The following TTLL6 variants were observed in gnomAD, a reference collection of about 807,000 sequenced individuals.
TTLL6 encodes tubulin tyrosine ligase like 6.
TTLL6 carries 75 observed loss-of-function variants against 96.4 expected under a neutral mutation model. The observed-to-expected ratio is 0.78, with a 90% CI of 0.65 to 0.94. The LOEUF (loss-of-function observed/expected upper bound fraction) is 0.94. Among genes scored for constraint, TTLL6 ranks in the 40% least tolerant of loss-of-function variants. The pLI, the probability that TTLL6 is intolerant of heterozygous loss-of-function variation, is 0.00. For missense variants in TTLL6, 1,030 were observed against 1,093.0 expected, an observed-to-expected ratio of 0.94 and a Z score of 0.81; for synonymous variants, 411 against 419.4, an observed-to-expected ratio of 0.98 and a Z score of 0.24.
intron 8 of TTLL6, among the ~76,000 whole-genome samples, chr17:48,793,448 C>G (rs1343900834): frequency 1.3e-5 from 2 of 152,046 alleles, no homozygotes; most frequent in African/African-American, 2.4e-5. Flanking sequence ...AAAAAATTGG[C>G]CAAGCATGGT....
intron 9 of TTLL6, among the ~76,000 whole-genome samples, chr17:48,790,530 G>T (rs1467052228): frequency 6.6e-6 from 1 of 152,186 alleles, no homozygotes; most frequent in Non-Finnish European, 1.5e-5. Flanking sequence ...GGAGGAAGGA[G>T]AGGACTCATT....
chr17:48,769,333 G>T (rs1597957076), intron 14 of TTLL6, 79 bp from the exon 15 acceptor site: 3 of 1,496,368 alleles, frequency 2.0e-6, no homozygotes, highest in East Asian at 4.6e-5. Flanking sequence ...CCACCTCCCA[G>T]TAGGGTCCCA....
chr17:48,808,085 G>GC (rs1186002740), intron 1 of TTLL6, among the ~76,000 whole-genome samples: 1 of 152,058 alleles, frequency 6.6e-6, no homozygotes, highest in Non-Finnish European at 1.5e-5. Flanking sequence ...TGATCCGCCT[G>GC]CCTCGGCCTC....
chr17:48,789,404 C>T (rs2039172726), intron 10 of TTLL6, among the ~76,000 whole-genome samples: 2 of 152,114 alleles, frequency 1.3e-5, no homozygotes, highest in Non-Finnish European at 2.9e-5. Context: ...TATGCTAAGC[C>T]TTTTATATGC....
At chr17:48,778,982 A>G (rs998972865) in intron 13 of TTLL6, among the ~76,000 whole-genome samples, 1 of 151,496 alleles carries the variant, frequency 6.6e-6, no homozygotes, top group Non-Finnish European at 1.5e-5. Flanking sequence ...CTGTAGTCTC[A>G]GCTACTCAGG....
At position 48,772,869 on chromosome 17, in the gene TTLL6, G is replaced by T; in HGVS notation, c.2041-2772C>A. ...AAACTACAAAGATTAGCCAAGCATG[G>T]TGGCATGCACCTGTGTCCCACCTAT... On this transcript the variant is annotated intron_variant, in intron 13 of 15. Coordinates refer to ENST00000393382, the MANE Select transcript of TTLL6 (RefSeq NM_001130918.3). Among the ~76,000 whole-genome samples, 2 of 152,058 alleles carry T rather than the reference G, an allele frequency of 1.3e-5. 1 individual carries two copies. The highest frequency in any genetic ancestry group is 3.8e-4 in the East Asian group (2 of 5,198).
At chr17:48,802,492 T>C (rs2039442821) in intron 3 of TTLL6, among the ~76,000 whole-genome samples, 1 of 152,216 alleles carries the variant, frequency 6.6e-6, no homozygotes, top group Admixed American at 6.5e-5. Context: ...CAAACTCAAA[T>C]GCCTTCAAGG....
At chr17:48,801,107 C>A (rs897267172) in intron 5 of TTLL6, 148 bp downstream of exon 5, 49 of 714,860 alleles carry the variant, frequency 6.9e-5, no homozygotes, top group Non-Finnish European at 1.1e-4. Flanking sequence ...ACCTTGGACA[C>A]ACCCTTTATC....
Position 48,785,023 on chromosome 17 carries a change from T to C in TTLL6, c.1940A>G (p.Asn647Ser). Residue 647 changes from asparagine to serine, a missense_variant, in exon 13 of 16, where the codon AAT (asparagine) becomes AGT (serine). Coordinates refer to ENST00000393382, the MANE Select transcript of TTLL6 (RefSeq NM_001130918.3). ...KPFSSLPDLR[N>S]INLSSSKLEP... is the part of the protein sequence containing the mutation. ...CAACTTCGAGCTGCTGAGATTGATA[T>C]TCCTCAGATCGGGTAGAGAACTGAA... 1 of 1,614,152 alleles carries C rather than the reference T, an allele frequency of 6.2e-7. No individual in the cohort carries two copies. Among genetic ancestry groups the C allele is most frequent in the Non-Finnish European group, 8.5e-7 (1 of 1,179,988 alleles).
chr17:48,764,240 G>A (rs531766801), intron 15 of TTLL6, among the ~76,000 whole-genome samples: 3 of 152,288 alleles, frequency 2.0e-5, no homozygotes, highest in African/African-American at 7.2e-5. Flanking sequence ...TGTGAAAGTG[G>A]GTCCAGAGGA....
chr17:48,786,510 A>G (rs1221266407), intron 11 of TTLL6, among the ~76,000 whole-genome samples, 175 bp from the exon 12 acceptor site: 1 of 152,206 alleles, frequency 6.6e-6, no homozygotes, highest in African/African-American at 2.4e-5. Flanking sequence ...TGTGGAGGAA[A>G]GCATCATTCT....
intron 1 of TTLL6, among the ~76,000 whole-genome samples, chr17:48,814,273 C>T (rs1244512767): frequency 7.0e-6 from 1 of 142,574 alleles, no homozygotes; most frequent in African/African-American, 2.6e-5. Context: ...GAGCCCAGAT[C>T]GCACCACTGC....
chr17:48,817,166 G>A lies in TTLL6; in HGVS notation c.-94C>T. On this transcript the variant is annotated 5_prime_UTR_variant, in exon 1 of 16. It introduces an in-frame stop codon into an upstream open reading frame of the 5' UTR. Transcript: ENST00000393382. The stretch of plus-strand genomic sequence containing the variant: ...TGCATACGGGGCCTTCTAGGCCTTC[G>A]ATTGGCCCCTGCAGTAGCTGCCATG... The A allele has an allele frequency of 2.3e-6, 2 of 863,722 alleles. No individual in the cohort carries two copies. Among genetic ancestry groups the A allele is most frequent in the Non-Finnish European group, 3.4e-6 (2 of 582,494 alleles). 53.5% of individuals were successfully genotyped at this position (863,722 alleles called of 1,614,324 possible).
Position 48,794,350 on chromosome 17 carries a change from C to A in TTLL6, c.998+1711G>T, listed in dbSNP as rs553888151. The A allele has an allele frequency of 3.9e-5, 61 of 1,568,440 alleles. No individual in the cohort carries two copies. The South Asian group carries it at 6.7e-4, about 17-fold the overall frequency. Reference sequence around the variant, plus strand: ...AAGGAAAAATGACAGTAACCACGCACACTGTCTGTGTTGCCATCACAAGTC... The same window carrying A: ...AAGGAAAAATGACAGTAACCACGCAAACTGTCTGTGTTGCCATCACAAGTC... On this transcript the variant is annotated intron_variant, in intron 8 of 15. Coordinates refer to ENST00000393382, the MANE Select transcript of TTLL6 (RefSeq NM_001130918.3).
At position 48,803,925 on chromosome 17, in the gene TTLL6, C is replaced by A; in HGVS notation, c.327G>T (p.Leu109Phe). The A allele has an allele frequency of 6.4e-7, 1 of 1,551,924 alleles. No homozygotes were observed. Among genetic ancestry groups the A allele is most frequent in the South Asian group, 1.2e-5 (1 of 84,062 alleles). Residue 109 changes from leucine (L) to phenylalanine (F), a missense_variant, in exon 3 of 16, where the codon TTG (leucine) becomes TTT (phenylalanine). By Grantham distance (22) the Leu-to-Phe change is conservative. Coordinates refer to ENST00000393382, the MANE Select transcript of TTLL6 (RefSeq NM_001130918.3). ...QGKKKRKKKR[L>F]VINLSSCRYE... ...ACCGGCAGCTGGATAGATTGATCACCAATCATCTGGAAAAGAGAAAAAGGA... is the reference window on the plus strand; with the variant it reads ...ACCGGCAGCTGGATAGATTGATCACAAATCATCTGGAAAAGAGAAAAAGGA...
chr17:48,770,038 CTT>C lies in TTLL6; in HGVS notation c.2098_2099del (p.Lys700ValfsTer12). 1 of 1,613,984 alleles carries C rather than the reference CTT, an allele frequency of 6.2e-7. No homozygotes were observed. Among genetic ancestry groups the C allele is most frequent in the Non-Finnish European group, 8.5e-7 (1 of 1,179,936 alleles). On this transcript the variant is annotated frameshift_variant, in exon 14 of 16. Coordinates refer to ENST00000393382, the MANE Select transcript of TTLL6 (RefSeq NM_001130918.3). LOFTEE classifies it high-confidence loss of function. ...CGGTCACAGCCAGGGTTGGCGGAGA[CTT>C]TGGGGAGATTGAGAGTTGGGTGGTG... Reference protein sequence around the residue: ...ESTTQLSISPKSPPTLAVTAS... With the variant: ...ESTTQLSISPXSPPTLAVTAS...
At chr17:48,798,632 G>A (rs996493580) in intron 6 of TTLL6, among the ~76,000 whole-genome samples, 1 of 151,858 alleles carries the variant, frequency 6.6e-6, no homozygotes, top group South Asian at 2.1e-4. Flanking sequence ...AGCTCTACTG[G>A]GGAGGCTGAG....
Position 48,796,135 on chromosome 17 carries a change from G to A in TTLL6, c.924C>T (p.Cys308=). The change falls in exon 8 of 16, where the codon TGC becomes TGT. Residue 308 remains cysteine, a synonymous_variant. Transcript: ENST00000393382. ...TAATGGAATAATTAGTCAGGTGCAT[G>A]CAGATATCATCCTGGGGAAAAAGAC... The part of the protein sequence containing the change: ...RPCTDNLDDI[C]MHLTNYSINK... 2 of 1,551,306 alleles carry A rather than the reference G, an allele frequency of 1.3e-6. No individual in the cohort carries two copies. Among genetic ancestry groups the A allele is most frequent in the Non-Finnish European group, 1.7e-6 (2 of 1,146,738 alleles).
chr17:48,784,804 C>T, intron 13 of TTLL6, 119 bp downstream of exon 13: 3 of 761,774 alleles, frequency 3.9e-6, no homozygotes, highest in Non-Finnish European at 6.4e-6. Context: ...CAAGGGGAGA[C>T]ACCAAGGCCC....
Sources: gnomAD v4.1 joint callset for allele counts (sites outside exome capture counted in the v4.1 genomes callset) on GRCh38, gnomAD v4.1.1 for gene constraint, MANE v1.5 for transcripts, NCBI Gene and HGNC (gene_info 2026-07-23, HGNC 2026-07-21) for gene names.